The following RAB3GAP1 variants were observed in gnomAD, a reference collection of about 807,000 sequenced individuals.
RAB3GAP1 encodes RAB3 GTPase activating protein catalytic subunit 1.
RAB3GAP1 carries 86 observed loss-of-function variants against 130.7 expected under a neutral mutation model. The ratio of observed to expected loss-of-function variants is 0.66; its 90% CI spans 0.55 to 0.79. RAB3GAP1 has a LOEUF of 0.79. Ranked by LOEUF, RAB3GAP1 falls within the 30% of genes least tolerant of loss-of-function variation. RAB3GAP1 has a pLI of 0.00. For missense variants in RAB3GAP1, 1,029 were observed against 1,169.4 expected (o/e 0.88, Z 1.75); for synonymous variants, 367 against 401.7 (o/e 0.91, Z 1.03).
intron 17 of RAB3GAP1, among the ~76,000 whole-genome samples, chr2:135,146,281 G>A (rs1193711430): frequency 7.6e-6 from 1 of 131,418 alleles, no homozygotes; most frequent in African/African-American, 3.0e-5. Context: ...TCATGATCTT[G>A]TCTCACTGCA....
At chr2:135,071,306 T>A (rs1689466316) in intron 3 of RAB3GAP1, among the ~76,000 whole-genome samples, 2 of 152,198 alleles carry the variant, frequency 1.3e-5, no homozygotes, top group South Asian at 4.1e-4. Flanking sequence ...GTCCAAAATA[T>A]TATGCTAATC....
chr2:135,083,767 G>T (rs1379888210), intron 3 of RAB3GAP1, among the ~76,000 whole-genome samples: 2 of 98,290 alleles, frequency 2.0e-5, no homozygotes, highest in African/African-American at 3.9e-5. Flanking sequence ...ACCCAACACG[G>T]TTTTTTTTTT....
At chr2:135,129,043 C>G (rs1691439967) in intron 11 of RAB3GAP1, among the ~76,000 whole-genome samples, 1 of 152,022 alleles carries the variant, frequency 6.6e-6, no homozygotes, top group African/African-American at 2.4e-5. Flanking sequence ...CCCAGCCTAC[C>G]CAGGAGGCTG....
At chr2:135,097,941 T>C (rs1041233964) in intron 5 of RAB3GAP1, among the ~76,000 whole-genome samples, 2 of 152,228 alleles carry the variant, frequency 1.3e-5, no homozygotes, top group Non-Finnish European at 2.9e-5. Flanking sequence ...AGTGTATGTT[T>C]ATAGGAAACT....
downstream of RAB3GAP1, among the ~76,000 whole-genome samples, chr2:135,173,423 A>G (rs1353391976): frequency 6.6e-6 from 1 of 152,090 alleles, no homozygotes; most frequent in African/African-American, 2.4e-5. Flanking sequence ...GAAGCTAAGA[A>G]AAAACATACT....
chr2:135,068,670 T>C (rs1558760612), intron 3 of RAB3GAP1, among the ~76,000 whole-genome samples: 1 of 152,116 alleles, frequency 6.6e-6, no homozygotes, highest in African/African-American at 2.4e-5. Flanking sequence ...GGAGAATCAT[T>C]TGAACCGGGG....
chr2:135,093,563 C>G, intron 4 of RAB3GAP1, 52 bp from the exon 5 acceptor site: 1 of 1,364,274 alleles, frequency 7.3e-7, no homozygotes, highest in Non-Finnish European at 1.0e-6. Flanking sequence ...TGTTATAAAA[C>G]TCTGCCTGAT....
chr2:135,140,136 C>A (rs1558796000), intron 17 of RAB3GAP1, among the ~76,000 whole-genome samples: 1 of 152,122 alleles, frequency 6.6e-6, no homozygotes. Flanking sequence ...TTTGTTTATC[C>A]ATTCACCCGT....
chr2:135,164,850 G>C (rs1055337616), intron 23 of RAB3GAP1, among the ~76,000 whole-genome samples, 154 bp downstream of exon 23: 4 of 152,182 alleles, frequency 2.6e-5, no homozygotes, highest in Admixed American at 2.6e-4. Context: ...AATGACTTCT[G>C]AGTCTTCGAA....
At chr2:135,138,508 A>G (rs1477895475) in intron 17 of RAB3GAP1, among the ~76,000 whole-genome samples, 4 of 152,150 alleles carry the variant, frequency 2.6e-5, no homozygotes, top group Non-Finnish European at 4.4e-5. Context: ...CCTTGAAGTA[A>G]CTAACAAGTA....
At chr2:135,172,168 G>A (rs1455313414), downstream of RAB3GAP1, among the ~76,000 whole-genome samples, 1 of 152,126 alleles carries the variant, frequency 6.6e-6, no homozygotes, top group African/African-American at 2.4e-5. Flanking sequence ...AGTGGCTCGT[G>A]CCTGTAATCC....
chr2:135,175,796 C>T (rs767970130), intron 24 of RAB3GAP1, among the ~76,000 whole-genome samples: 2 of 152,128 alleles, frequency 1.3e-5, no homozygotes, highest in Non-Finnish European at 2.9e-5. Flanking sequence ...AAATTTGAAT[C>T]CTAGGTTTTC....
At chr2:135,175,400 C>A (rs954898583), downstream of RAB3GAP1, 5 of 152,214 alleles carry the variant, frequency 3.3e-5, no homozygotes, top group African/African-American at 1.2e-4. Flanking sequence ...AAAAGCCAAC[C>A]CACTCCAGGT....
At chr2:135,153,923 T>C in intron 19 of RAB3GAP1, 47 bp downstream of exon 19, 1 of 1,553,410 alleles carries the variant, frequency 6.4e-7, no homozygotes, top group Non-Finnish European at 8.9e-7. Context: ...ATTACTGTTC[T>C]TATGATTTAG....
At chr2:135,081,327 A>AAAAATATAT (rs1363481112) in intron 3 of RAB3GAP1, among the ~76,000 whole-genome samples, 12 of 64,044 alleles carry the variant, frequency 1.9e-4, no homozygotes, top group South Asian at 9.4e-4. Context: ...AAAAAAAAAA[A>AAAAATATAT]ATATATATAT....
At chr2:135,103,034 G>GGTTTTTTTTTTTTTTTTTTT (rs1355666279) in intron 5 of RAB3GAP1, among the ~76,000 whole-genome samples, 1 of 100,460 alleles carries the variant, frequency 1.0e-5, no homozygotes, top group Non-Finnish European at 1.7e-5. Context: ...TCATTTTTGT[G>GGTTTTTTTTTTTTTTTTTTT]ATTTTTTTTT....
At chr2:135,093,272 T>C (rs1187772406) in intron 4 of RAB3GAP1, among the ~76,000 whole-genome samples, 2 of 152,140 alleles carry the variant, frequency 1.3e-5, no homozygotes, top group African/African-American at 4.8e-5. Context: ...TTGACATATC[T>C]CTAAATAGAA....
Position 135,124,228 on chromosome 2 carries a change from C to T in RAB3GAP1, c.812C>T (p.Ala271Val), listed in dbSNP as rs191211045. 5.0e-6 allele frequency: 8 copies of T among 1,613,968 alleles called. No individual in the cohort carries two copies. The East Asian group carries it at 1.8e-4, about 36-fold the overall frequency. The change falls in exon 9 of 24, where the codon GCC (alanine) becomes GTC (valine). Residue 271 changes from alanine (A) to valine (V), a missense_variant. Transcript: ENST00000264158. ...GLEFGKLPFG[A>V]CEDPISELHL... Reference sequence around the variant, plus strand: ...GAGTTTGGCAAGTTACCATTTGGTGCCTGCGAAGATCCTATTAGGTGAGAA... The same window carrying T: ...GAGTTTGGCAAGTTACCATTTGGTGTCTGCGAAGATCCTATTAGGTGAGAA...
At chr2:135,074,028 A>G (rs1483549784) in intron 3 of RAB3GAP1, among the ~76,000 whole-genome samples, 5 of 152,178 alleles carry the variant, frequency 3.3e-5, no homozygotes, top group African/African-American at 9.7e-5. Flanking sequence ...TCCTGGCACT[A>G]GGGCCTTACA....
Sources: gnomAD v4.1 joint callset for allele counts (sites outside exome capture counted in the v4.1 genomes callset) on GRCh38, gnomAD v4.1.1 for gene constraint, MANE v1.5 for transcripts, NCBI Gene and HGNC (gene_info 2026-07-23, HGNC 2026-07-21) for gene names.